Variants in NPEPL1 observed in about 807,000 individuals in gnomAD.
NPEPL1 encodes the protein aminopeptidase like 1.
A neutral mutation model predicts 52.4 loss-of-function variants in NPEPL1; 45 were observed. The observed-to-expected ratio is 0.86, with a 90% confidence interval of 0.68 to 1.10. NPEPL1 has a LOEUF of 1.10. NPEPL1 is among the 50% of genes least tolerant of loss of function. The pLI is 0.00. For synonymous variants in NPEPL1, 360 were observed against 314.7 expected (o/e 1.14, Z -1.52); for missense variants, 696 against 710.9 (o/e 0.98, Z 0.24).
chr20:58,709,133 G>A (rs901788653), intron 7 of NPEPL1, among the ~76,000 whole-genome samples: 3 of 151,878 alleles, frequency 2.0e-5, no homozygotes, highest in Non-Finnish European at 2.9e-5. Flanking sequence ...CTCTAGAGGT[G>A]GAGGAGCACC....
rs1481001205 is a variant in NPEPL1 at position 58,713,579 on chromosome 20, C to T, written c.1125+36C>T. On this transcript the variant is annotated intron_variant, in intron 9 of 11. Transcript: ENST00000356091. This position sits in a 1 kb window ranked among gnomAD's most constrained non-coding sequence, Gnocchi z 4.6. ...CCTGGATCCACCCCTTAGCTGTAGTCCCAGGGAACCCCACCCCACTCTTGA... is the reference window on the plus strand; with the variant it reads ...CCTGGATCCACCCCTTAGCTGTAGTTCCAGGGAACCCCACCCCACTCTTGA... The T allele has an allele frequency of 3.9e-6, 6 of 1,541,756 alleles. No individual in the cohort carries two copies. Among genetic ancestry groups the T allele is most frequent in the Middle Eastern group, 1.7e-4 (1 of 5,764 alleles).
At chr20:58,702,012 C>T (rs995790410) in intron 6 of NPEPL1, among the ~76,000 whole-genome samples, 2 of 152,182 alleles carry the variant, frequency 1.3e-5, no homozygotes, top group Admixed American at 1.3e-4. Context: ...TGTGCTCAGG[C>T]CTGGGCTGGG....
intron 6 of NPEPL1, among the ~76,000 whole-genome samples, chr20:58,706,000 A>G (rs913920974): frequency 3.3e-5 from 5 of 152,184 alleles, no homozygotes; most frequent in African/African-American, 9.7e-5. Context: ...AGCTTGTGTA[A>G]TAAGATAAGG....
In NPEPL1 at chr20:58,713,712, G is replaced by C. The variant is rs371969513; in HGVS notation, c.1125+169G>C. ...CGTCAAGCTTGGTGTGGGCAGTACC[G>C]AGGCCCAGGCTGGATGCAGAGCCGG... is the stretch of plus-strand genomic sequence containing the variant. On this transcript the variant is annotated intron_variant, in intron 9 of 11. Transcript: ENST00000356091. The surrounding 1 kb of genome is among the most constrained non-coding windows in gnomAD (Gnocchi z 4.6). The C allele has an allele frequency of 2.2e-4, 246 of 1,125,242 alleles. 2 individuals carry two copies. The South Asian group carries it at 4.2e-3, about 19-fold the overall frequency. 69.7% of individuals were successfully genotyped at this position (1,125,242 alleles called of 1,614,324 possible).
chr20:58,711,836 A>G (rs1443768737), intron 7 of NPEPL1, among the ~76,000 whole-genome samples: 1 of 152,230 alleles, frequency 6.6e-6, no homozygotes, highest in Non-Finnish European at 1.5e-5. Context: ...GGCATGCTCC[A>G]TGCTAGGAGG....
At chr20:58,694,900 C>A (rs546344224) in intron 3 of NPEPL1, among the ~76,000 whole-genome samples, 1 of 152,154 alleles carries the variant, frequency 6.6e-6, no homozygotes, top group Non-Finnish European at 1.5e-5. Flanking sequence ...TCCGTGTGCA[C>A]GTGTGTGATG....
In NPEPL1 at chr20:58,694,612, G is replaced by C; in HGVS notation, c.507+20G>C. 6.2e-7 allele frequency: 1 copy of C among 1,600,884 alleles called. No individual in the cohort carries two copies. Among genetic ancestry groups the C allele is most frequent in the Non-Finnish European group, 8.5e-7 (1 of 1,173,084 alleles). On this transcript the variant is annotated intron_variant, in intron 3 of 11. Transcript: ENST00000356091. Reference sequence around the variant, plus strand: ...TTGCAGGTGGGTGTCTGGAAGGGCAGACACTGCCCCTGGGCCCGGGCAAGA... The same window carrying C: ...TTGCAGGTGGGTGTCTGGAAGGGCACACACTGCCCCTGGGCCCGGGCAAGA...
At chr20:58,695,288 G>A (rs972224044) in intron 3 of NPEPL1, among the ~76,000 whole-genome samples, 3 of 148,022 alleles carry the variant, frequency 2.0e-5, no homozygotes, top group Non-Finnish European at 4.5e-5. Context: ...GTGTGTTGCT[G>A]TGTGTGTATG....
Position 58,713,036 on chromosome 20 carries a change from T to C in NPEPL1, c.1002-384T>C, listed in dbSNP as rs1007223725. The C allele has an allele frequency of 5.7e-6, 2 of 352,514 alleles. No homozygotes were observed. Among genetic ancestry groups the C allele is most frequent in the Admixed American group, 7.9e-5 (2 of 25,398 alleles). 21.8% of individuals were successfully genotyped at this position (352,514 alleles called of 1,614,324 possible). A position where few individuals can be genotyped will look rare whatever the true frequency, so the allele number is the denominator to read the frequency against. On this transcript the variant is annotated intron_variant, in intron 8 of 11. Transcript: ENST00000356091. This position sits in a 1 kb window ranked among gnomAD's most constrained non-coding sequence, Gnocchi z 4.6. ...GAGCCCTCTCCCCAGCCCCATGAGC[T>C]GGTGCCTGAGTGGGCGCCTCCCCGC...
upstream of NPEPL1, among the ~76,000 whole-genome samples, chr20:58,689,982 C>G (rs974763450): frequency 2.0e-5 from 3 of 152,084 alleles, no homozygotes; most frequent in Admixed American, 1.3e-4. Context: ...TTTGAAGTAT[C>G]GGATATAATG....
intron 3 of NPEPL1, among the ~76,000 whole-genome samples, chr20:58,698,286 C>T (rs1316025952): frequency 2.6e-5 from 4 of 151,822 alleles, no homozygotes; most frequent in African/African-American, 9.7e-5. Flanking sequence ...GTGGGATCTG[C>T]AGAGGTGAGG....
chr20:58,700,805 A>G (rs1040757673), intron 5 of NPEPL1, among the ~76,000 whole-genome samples: 6 of 152,174 alleles, frequency 3.9e-5, no homozygotes, highest in Non-Finnish European at 2.9e-5. Flanking sequence ...AACACTTTGC[A>G]TAGAATTTGT....
chr20:58,714,403 C>G (rs2084915289), intron 10 of NPEPL1, 157 bp from the exon 11 acceptor site: 2 of 628,006 alleles, frequency 3.2e-6, no homozygotes, highest in African/African-American at 3.7e-5. Flanking sequence ...AGCTCATGGT[C>G]AAGGCCCTCC....
chr20:58,691,199 A>G, upstream of NPEPL1: 2 of 702,730 alleles, frequency 2.8e-6, no homozygotes, highest in Non-Finnish European at 5.2e-6. Flanking sequence ...TGCAAACAGA[A>G]AAAAGAGTGA....
intron 10 of NPEPL1, 112 bp from the exon 11 acceptor site, chr20:58,714,448 T>TC: frequency 1.3e-6 from 1 of 781,144 alleles, no homozygotes; most frequent in Non-Finnish European, 2.0e-6. Flanking sequence ...ACACGCTCCC[T>TC]CCCAGCCACC....
Position 58,714,060 on chromosome 20 carries a change from C to T in NPEPL1, c.1269C>T (p.Thr423=). ...YCPELHFSEF[T]SAVADMKNSV... Reference sequence around the variant, plus strand: ...CCGAGCTGCACTTCAGCGAGTTCACCTCAGCTGTGGCGGACATGAAGAACT... The same window carrying T: ...CCGAGCTGCACTTCAGCGAGTTCACTTCAGCTGTGGCGGACATGAAGAACT... The change falls in exon 10 of 12, where the codon ACC becomes ACT. Residue 423 remains threonine (T), a synonymous_variant. Transcript: ENST00000356091. The T allele has an allele frequency of 6.5e-7, 1 of 1,547,214 alleles. No homozygotes were observed.
rs2084384555 is a variant in NPEPL1, at chr20:58,692,930, G to A, written c.30G>A (p.Ala10=). The change falls in exon 1 of 12, where the codon GCG becomes GCA. Residue 10 remains alanine (A), a synonymous_variant. Transcript: ENST00000356091. This position sits in a 1 kb window ranked among gnomAD's most constrained non-coding sequence, Gnocchi z 5.7. MANVGLQFQ[A]SAGDSDPQSR... Reference sequence around the variant, plus strand: ...CGAACGTGGGGCTGCAGTTCCAGGCGAGCGCGGGGGACTCGGACCCACAGA... The same window carrying A: ...CGAACGTGGGGCTGCAGTTCCAGGCAAGCGCGGGGGACTCGGACCCACAGA... 2.7e-6 allele frequency: 3 copies of A among 1,130,978 alleles called. No individual in the cohort carries two copies. Among genetic ancestry groups the A allele is most frequent in the Non-Finnish European group, 3.3e-6 (3 of 910,946 alleles). The allele number at this position is 1,130,978 out of a possible 1,614,324, so 70.1% of individuals were successfully genotyped here.
intron 7 of NPEPL1, among the ~76,000 whole-genome samples, chr20:58,712,143 G>A (rs1162890834): frequency 6.6e-6 from 1 of 152,122 alleles, no homozygotes; most frequent in Non-Finnish European, 1.5e-5. Context: ...AGGGGACGCG[G>A]CTGCTGGCCA....
At position 58,709,677 on chromosome 20, in the gene NPEPL1, C is replaced by T. The variant is rs182747404; in HGVS notation, c.900+2477C>T. On this transcript the variant is annotated intron_variant, in intron 7 of 11. Coordinates refer to ENST00000356091, the MANE Select transcript of NPEPL1 (RefSeq NM_024663.4). ...AGGGACAGAGCCACCTGACATGCCT[C>T]CAGAGGCAGTGTACAGGGAAGGACA... 1.2e-3 allele frequency among the ~76,000 whole-genome samples: 187 copies of T among 152,328 alleles called. 1 individual carries two copies. The highest frequency in any genetic ancestry group is 2.4e-3 in the Admixed American group (36 of 15,306).
Sources: allele counts gnomAD v4.1 joint callset (sites outside exome capture counted in the v4.1 genomes callset), GRCh38; gene constraint gnomAD v4.1.1; non-coding constraint Gnocchi (gnomAD v3.1); transcripts MANE v1.5; gene names NCBI Gene and HGNC (gene_info 2026-07-23, HGNC 2026-07-21).